Variants in ANKS1B observed in about 807,000 individuals in gnomAD.
ANKS1B encodes ankyrin repeat and sterile alpha motif domain-containing protein 1B.
A neutral mutation model predicts 148.3 loss-of-function variants in ANKS1B; 36 were observed. The ratio of observed to expected loss-of-function variants is 0.24; its 90% CI spans 0.19 to 0.32. ANKS1B has a LOEUF of 0.32. Among genes scored for constraint, ANKS1B ranks in the 10% least tolerant of loss-of-function variants. The pLI is 1.00. For missense variants in ANKS1B, 1,157 were observed against 1,542.6 expected (o/e 0.75, Z 4.19); for synonymous variants, 542 against 560.8 (o/e 0.97, Z 0.47).
At chr12:99,513,368 C>T (rs2096785578) in intron 9 of ANKS1B, among the ~76,000 whole-genome samples, 1 of 151,984 alleles carries the variant, frequency 6.6e-6, no homozygotes. Context: ...GTGGTTGAAA[C>T]CAAACTCACA....
chr12:98,874,503 C>T lies in ANKS1B; in HGVS notation c.2779-42367G>A, dbSNP rs75392472. Among the ~76,000 whole-genome samples, 1,398 of 152,210 alleles carry T rather than the reference C, an allele frequency of 9.2e-3. 15 individuals carry two copies. Among genetic ancestry groups the T allele is most frequent in the African/African-American group, 0.032 (1,316 of 41,510 alleles). ...AGATAATAAATGAAGGGTAATAATA[C>T]GTTACAGTCAATCTCATCGGGAGGA... On this transcript the variant is annotated intron_variant, in intron 17 of 26. Transcript: ENST00000683438.
intron 12 of ANKS1B, among the ~76,000 whole-genome samples, chr12:99,344,394 T>G (rs187925937): frequency 6.6e-6 from 1 of 152,080 alleles, no homozygotes; most frequent in Non-Finnish European, 1.5e-5. Context: ...ATAATTGTTT[T>G]CTGTCTCTTA....
chr12:99,169,105 A>G (rs2077489939), intron 14 of ANKS1B, among the ~76,000 whole-genome samples: 1 of 152,144 alleles, frequency 6.6e-6, no homozygotes, highest in Non-Finnish European at 1.5e-5. Flanking sequence ...TTATGTTCTA[A>G]GCATTTTGCC....
chr12:99,637,626 C>A (rs2098251836), intron 9 of ANKS1B, among the ~76,000 whole-genome samples: 1 of 151,872 alleles, frequency 6.6e-6, no homozygotes, highest in African/African-American at 2.4e-5. Flanking sequence ...GCTTAGCCTC[C>A]CAGCCTACAT....
intron 14 of ANKS1B, among the ~76,000 whole-genome samples, chr12:99,181,370 G>T (rs1439174113): frequency 6.6e-6 from 1 of 152,044 alleles, no homozygotes; most frequent in Non-Finnish European, 1.5e-5. Flanking sequence ...ATTTCTGAAG[G>T]CTCATTATTC....
chr12:99,485,489 T>C (rs1199260954), intron 10 of ANKS1B, among the ~76,000 whole-genome samples: 1 of 152,182 alleles, frequency 6.6e-6, no homozygotes, highest in Non-Finnish European at 1.5e-5. Context: ...GTAAATATCT[T>C]TTTGCAATAA....
chr12:99,054,664 G>A (rs1340524712), intron 16 of ANKS1B, among the ~76,000 whole-genome samples: 1 of 151,866 alleles, frequency 6.6e-6, no homozygotes, highest in Admixed American at 6.6e-5. Context: ...TCAGCCTCCC[G>A]AGTAGCTGGA....
intron 25 of ANKS1B, among the ~76,000 whole-genome samples, chr12:98,769,186 T>TTTTTTTTTTTTTTTTTTTTTTTC: frequency 7.2e-6 from 1 of 138,740 alleles, no homozygotes; most frequent in African/African-American, 2.9e-5. Flanking sequence ...TTTTTTTTTT[T>TTTTTTTTTTTTTTTTTTTTTTTC]TTTTTTTTGC....
intron 12 of ANKS1B, among the ~76,000 whole-genome samples, chr12:99,297,411 C>T (rs1343521368): frequency 6.6e-6 from 1 of 152,100 alleles, no homozygotes; most frequent in Non-Finnish European, 1.5e-5. Context: ...TTTGTAGTAG[C>T]GTAAACATAG....
At chr12:99,833,439 G>C (rs544172916) in intron 1 of ANKS1B, among the ~76,000 whole-genome samples, 100 of 152,298 alleles carry the variant, frequency 6.6e-4, no homozygotes, top group Non-Finnish European at 1.3e-3. Context: ...GAGAGAGAGA[G>C]GGTGAGAAAA....
intron 4 of ANKS1B, among the ~76,000 whole-genome samples, chr12:99,793,650 C>G (rs906101435): frequency 1.3e-5 from 2 of 152,016 alleles, no homozygotes; most frequent in African/African-American, 4.8e-5. Flanking sequence ...TCCTATCTCT[C>G]ACAATATACA....
chr12:99,592,979 G>A (rs890529202), intron 9 of ANKS1B, among the ~76,000 whole-genome samples: 1 of 152,122 alleles, frequency 6.6e-6, no homozygotes, highest in Non-Finnish European at 1.5e-5. Context: ...CAATAGAAAT[G>A]AATGTCTAGG....
intron 14 of ANKS1B, among the ~76,000 whole-genome samples, chr12:99,231,799 C>A (rs1033153493): frequency 6.6e-6 from 1 of 152,070 alleles, no homozygotes; most frequent in Non-Finnish European, 1.5e-5. Context: ...ACCCAGACAT[C>A]AAGCAGGAGC....
intron 22 of ANKS1B, among the ~76,000 whole-genome samples, chr12:98,788,144 C>T (rs749611901): frequency 1.1e-4 from 17 of 151,900 alleles, no homozygotes; most frequent in Non-Finnish European, 1.9e-4. Flanking sequence ...GTGGCTCACG[C>T]CTGTAATCCC....
chr12:99,950,113 A>ATTTTTTTTTTTTTTTT (rs35287842), intron 1 of ANKS1B, among the ~76,000 whole-genome samples: 4 of 90,542 alleles, frequency 4.4e-5, no homozygotes, highest in African/African-American at 1.5e-4. Flanking sequence ...TGCTCAGTTA[A>ATTTTTTTTTTTTTTTT]TTTTTTTTTT....
At chr12:99,909,170 C>T (rs2093905949) in intron 1 of ANKS1B, among the ~76,000 whole-genome samples, 1 of 151,306 alleles carries the variant, frequency 6.6e-6, no homozygotes, top group African/African-American at 2.4e-5. Flanking sequence ...TATCCATGTT[C>T]TCTCAAATAG....
chr12:99,818,637 G>GA lies in ANKS1B; in HGVS notation c.216-6327dup, dbSNP rs1602867312. ...AGCAAATGTGGTTGACAAGAAAATA[G>GA]AAAAAATATTTTGGAAAATGGAAAT... On this transcript the variant is annotated intron_variant, in intron 2 of 26. Transcript: ENST00000683438. 3.3e-5 allele frequency among the ~76,000 whole-genome samples: 5 copies of GA among 151,694 alleles called. No homozygotes were observed. The East Asian group carries it at 7.7e-4, about 23-fold the overall frequency.
At chr12:99,655,700 G>A (rs553425978) in intron 8 of ANKS1B, among the ~76,000 whole-genome samples, 2 of 152,190 alleles carry the variant, frequency 1.3e-5, no homozygotes, top group African/African-American at 4.8e-5. Flanking sequence ...AATTCATAAT[G>A]AGACTTCCAT....
At chr12:99,718,996 C>T (rs921845705) in intron 8 of ANKS1B, among the ~76,000 whole-genome samples, 4 of 152,200 alleles carry the variant, frequency 2.6e-5, no homozygotes, top group African/African-American at 9.7e-5. Flanking sequence ...TCTCCCAAAC[C>T]TCAATCCCTT....
Sources: allele counts gnomAD v4.1 joint callset (sites outside exome capture counted in the v4.1 genomes callset), GRCh38; gene constraint gnomAD v4.1.1; transcripts MANE v1.5; gene names NCBI Gene and HGNC (gene_info 2026-07-23, HGNC 2026-07-21).